Variants in HECA observed in about 807,000 individuals in gnomAD.
HECA encodes HECA ribonucleoprotein granule regulator.
A neutral mutation model predicts 37.6 loss-of-function variants in HECA; 13 were observed. The observed-to-expected ratio is 0.35, with a 90% CI of 0.23 to 0.55. HECA has a LOEUF of 0.55. HECA is among the 20% of genes least tolerant of loss of function. HECA has a pLI of 0.90. For missense variants in HECA, 527 were observed against 701.9 expected, an observed-to-expected ratio of 0.75 and a Z score of 2.82; for synonymous variants, 307 against 291.5, an observed-to-expected ratio of 1.05 and a Z score of -0.54.
intron 2 of HECA, 88 bp from the exon 3 acceptor site, chr6:139,174,296 TA>T (rs1298718805): frequency 2.8e-6 from 4 of 1,418,706 alleles, no homozygotes; most frequent in African/African-American, 1.4e-5. Flanking sequence ...TCTTTGCTTA[TA>T]ATTGGTAGAT....
At chr6:139,137,246 C>T (rs552581725) in intron 1 of HECA, among the ~76,000 whole-genome samples, 20 of 152,148 alleles carry the variant, frequency 1.3e-4, no homozygotes, top group African/African-American at 4.8e-4. Context: ...ACTCCTAGCT[C>T]AGCCATTTAG....
chr6:139,163,600 C>T (rs1031825299), intron 1 of HECA, among the ~76,000 whole-genome samples: 2 of 152,248 alleles, frequency 1.3e-5, no homozygotes, highest in African/African-American at 2.4e-5. Context: ...GTGATCCACC[C>T]GCCACGGCCT....
chr6:139,136,011 C>T (rs1472234937), intron 1 of HECA, among the ~76,000 whole-genome samples: 1 of 151,866 alleles, frequency 6.6e-6, no homozygotes, highest in East Asian at 1.9e-4. Flanking sequence ...GAGGAAAGAG[C>T]CGCCCAAGTT....
chr6:139,137,839 C>CA lies in HECA; in HGVS notation c.271+2173dup, dbSNP rs1232035006. Among the ~76,000 whole-genome samples the CA allele has an allele frequency of 8.4e-4, 127 of 152,028 alleles. 4 individuals are homozygous for CA. The highest frequency in any genetic ancestry group is 8.2e-3 in the Admixed American group (125 of 15,264). On this transcript the variant is annotated intron_variant, in intron 1 of 3. Coordinates refer to ENST00000367658, the MANE Select transcript of HECA (RefSeq NM_016217.3). ...GCAGACTCAAGTATATTTAGCAGCA[C>CA]AGTGTATGTGAAGAGCTGTTTCTGA...
chr6:139,157,062 T>A (rs980158163), intron 1 of HECA, among the ~76,000 whole-genome samples: 1 of 152,230 alleles, frequency 6.6e-6, no homozygotes, highest in African/African-American at 2.4e-5. Flanking sequence ...GGGCTGCTGG[T>A]TGCCCACTTT....
chr6:139,159,004 C>T (rs1774757803), intron 1 of HECA, among the ~76,000 whole-genome samples: 1 of 151,808 alleles, frequency 6.6e-6, no homozygotes, highest in Non-Finnish European at 1.5e-5. Flanking sequence ...ACCTGGGAGG[C>T]GGAGGTTGCG....
At chr6:139,162,976 T>C (rs1006708474) in intron 1 of HECA, among the ~76,000 whole-genome samples, 3 of 152,204 alleles carry the variant, frequency 2.0e-5, no homozygotes, top group Non-Finnish European at 4.4e-5. Flanking sequence ...TGGAAAGAGT[T>C]TCCTGGAGTC....
At position 139,166,433 on chromosome 6, in the gene HECA, A is replaced by G. The variant is rs776277277; in HGVS notation, c.421A>G (p.Ile141Val). Reference protein sequence around the residue: ...LQCFYEWESSILVQFNCIGRA... With the variant: ...LQCFYEWESSVLVQFNCIGRA... ...GTGCTTCTACGAGTGGGAGAGCAGC[A>G]TCCTCGTCCAGTTCAACTGCATCGG... is the stretch of plus-strand genomic sequence containing the variant. The change falls in exon 2 of 4, where the codon ATC becomes GTC. Residue 141 changes from isoleucine (I) to valine (V), a missense_variant. Ile to Val is a conservative substitution (Grantham distance 29, BLOSUM62 3). Transcript: ENST00000367658. The G allele has an allele frequency of 1.2e-6, 2 of 1,614,096 alleles. No homozygotes were observed.
At chr6:139,149,153 C>T (rs991438773) in intron 1 of HECA, among the ~76,000 whole-genome samples, 3 of 152,124 alleles carry the variant, frequency 2.0e-5, no homozygotes, top group Non-Finnish European at 4.4e-5. Flanking sequence ...CTCGATTGAA[C>T]CAAGAGTTTA....
intron 1 of HECA, among the ~76,000 whole-genome samples, chr6:139,156,170 T>G (rs1218785437): frequency 6.6e-6 from 1 of 151,988 alleles, no homozygotes; most frequent in East Asian, 1.9e-4. Context: ...TTTTTTACAT[T>G]CACTGTTACA....
At chr6:139,160,815 C>T (rs755308889) in intron 1 of HECA, among the ~76,000 whole-genome samples, 25 of 152,090 alleles carry the variant, frequency 1.6e-4, no homozygotes, top group East Asian at 3.9e-4. Flanking sequence ...TGAAATACAG[C>T]GGTATAAAAT....
At chr6:139,149,113 T>C (rs977262448) in intron 1 of HECA, among the ~76,000 whole-genome samples, 3 of 152,168 alleles carry the variant, frequency 2.0e-5, no homozygotes, top group African/African-American at 7.2e-5. Context: ...TGAAATTACA[T>C]GTGTATATTA....
chr6:139,172,875 C>T (rs3777672), intron 2 of HECA, among the ~76,000 whole-genome samples: 108,140 of 152,158 alleles, frequency 0.71, 39,674 homozygotes, highest in African/African-American at 0.86. Flanking sequence ...ATGATTCACA[C>T]GGAGCTGGTA....
intron 1 of HECA, among the ~76,000 whole-genome samples, chr6:139,160,110 T>C (rs895629565): frequency 2.6e-5 from 4 of 152,186 alleles, no homozygotes; most frequent in African/African-American, 9.7e-5. Flanking sequence ...CTAGCTACCC[T>C]GTTATCCAGA....
At position 139,174,428 on chromosome 6, in the gene HECA, A is replaced by G. The variant is rs1268949914; in HGVS notation, c.1356A>G (p.Glu452=). The G allele has an allele frequency of 5.0e-6, 8 of 1,613,900 alleles. No individual in the cohort carries two copies. The highest frequency in any genetic ancestry group is 5.9e-6 in the Non-Finnish European group (7 of 1,179,964). Residue 452 remains glutamate, a synonymous_variant, in exon 3 of 4, where the codon GAA becomes GAG. Coordinates refer to ENST00000367658, the MANE Select transcript of HECA (RefSeq NM_016217.3). The part of the protein sequence containing the change: ...HLYAVCVDCL[E]GVHKIICIKC... ...ATGCCGTGTGCGTGGACTGCCTGGA[A>G]GGGGTTCACAAGATCATCTGCATCA...
chr6:139,165,324 T>C (rs1029729863), intron 1 of HECA, among the ~76,000 whole-genome samples: 42 of 152,320 alleles, frequency 2.8e-4, no homozygotes, highest in South Asian at 1.2e-3. Context: ...TGTTCCCATA[T>C]ACCTCCTGCC....
intron 1 of HECA, among the ~76,000 whole-genome samples, chr6:139,136,867 C>A (rs904831598): frequency 1.2e-4 from 18 of 152,110 alleles, no homozygotes; most frequent in Non-Finnish European, 2.5e-4. Context: ...AACTCCTGAC[C>A]TCGTGATCCG....
Position 139,166,943 on chromosome 6 carries a change from A to G in HECA, c.931A>G (p.Met311Val), listed in dbSNP as rs758043509. 7 of 1,614,178 alleles carry G rather than the reference A, an allele frequency of 4.3e-6. No homozygotes were observed. Among genetic ancestry groups the G allele is most frequent in the South Asian group, 3.3e-5 (3 of 91,088 alleles). Residue 311 changes from methionine to valine, a missense_variant, in exon 2 of 4, where the codon ATG (methionine) becomes GTG (valine). Coordinates refer to ENST00000367658, the MANE Select transcript of HECA (RefSeq NM_016217.3). ...CCATCTGGAGCCTCACAAGAAGGCC[A>G]TGGCTGGGGGCCATGTGTTCAGAAA... is the stretch of plus-strand genomic sequence containing the variant. ...AIHLEPHKKA[M>V]AGGHVFRNAH...
At chr6:139,147,121 C>G (rs1314656058) in intron 1 of HECA, among the ~76,000 whole-genome samples, 2 of 152,196 alleles carry the variant, frequency 1.3e-5, no homozygotes, top group Non-Finnish European at 2.9e-5. Context: ...GCCTTCCCTT[C>G]TTGCAGAAAA....
Sources: allele counts gnomAD v4.1 joint callset (sites outside exome capture counted in the v4.1 genomes callset), GRCh38; gene constraint gnomAD v4.1.1; transcripts MANE v1.5; gene names NCBI Gene and HGNC (gene_info 2026-07-23, HGNC 2026-07-21).